The following PTPRT variants were observed in gnomAD, a reference collection of about 807,000 sequenced individuals.
The protein encoded by PTPRT is receptor-type tyrosine-protein phosphatase T.
In PTPRT, 56 loss-of-function variants were observed where a neutral mutation model predicts 176.8. The ratio of observed to expected loss-of-function variants is 0.32; its 90% CI spans 0.26 to 0.40. The LOEUF is 0.40. Ranked by LOEUF, PTPRT falls within the 10% of genes least tolerant of loss-of-function variation. PTPRT has a pLI of 1.00. For missense variants in PTPRT, 1,540 were observed against 1,908.2 expected (o/e 0.81, Z 3.60); for synonymous variants, 783 against 739.0 (o/e 1.06, Z -0.96).
At chr20:42,970,382 A>T (rs1228075010) in intron 1 of PTPRT, among the ~76,000 whole-genome samples, 1 of 152,188 alleles carries the variant, frequency 6.6e-6, no homozygotes, top group African/African-American at 2.4e-5. Context: ...ACGACTATTA[A>T]TTGGCTGATG....
At chr20:43,155,279 A>G (rs1370203476) in intron 1 of PTPRT, among the ~76,000 whole-genome samples, 1 of 152,200 alleles carries the variant, frequency 6.6e-6, no homozygotes, top group Non-Finnish European at 1.5e-5. Flanking sequence ...ATCAATCTAA[A>G]TGTCCATCAG....
At chr20:42,598,471 C>T (rs1226182080) in intron 7 of PTPRT, among the ~76,000 whole-genome samples, 1 of 152,016 alleles carries the variant, frequency 6.6e-6, no homozygotes, top group Non-Finnish European at 1.5e-5. Context: ...TACTCAAGGG[C>T]ATCTTATGTT....
intron 8 of PTPRT, among the ~76,000 whole-genome samples, chr20:42,449,508 T>TA (rs1456438254): frequency 2.0e-5 from 3 of 152,190 alleles, no homozygotes; most frequent in Non-Finnish European, 4.4e-5. Flanking sequence ...TAAAAGCACT[T>TA]ACTCTTGGAC....
chr20:42,873,497 T>C (rs563376736), intron 2 of PTPRT, among the ~76,000 whole-genome samples: 16 of 152,314 alleles, frequency 1.1e-4, no homozygotes, highest in East Asian at 3.9e-4. Context: ...TAGGAGAGTA[T>C]TGACCAATAG....
chr20:42,694,588 T>C (rs544154499), intron 6 of PTPRT, among the ~76,000 whole-genome samples: 8 of 152,302 alleles, frequency 5.3e-5, no homozygotes, highest in East Asian at 3.9e-4. Context: ...CTCTGGGTCA[T>C]ATGGAATTCA....
chr20:42,388,815 C>T (rs1477977604), intron 9 of PTPRT, among the ~76,000 whole-genome samples: 2 of 152,208 alleles, frequency 1.3e-5, no homozygotes, highest in Non-Finnish European at 2.9e-5. Context: ...GCTATAAAGA[C>T]GCATGCACAC....
intron 1 of PTPRT, among the ~76,000 whole-genome samples, chr20:43,116,879 C>CA (rs568415110): frequency 0.01 from 1,565 of 152,130 alleles, 17 homozygotes; most frequent in Non-Finnish European, 0.014. Flanking sequence ...GCTCTTGCAA[C>CA]AAAAAAACAC....
rs1208040640 is a variant in PTPRT, at chr20:43,180,369, C to CTCTCTCTCTCTCTT, written c.88+9276_88+9277insAAGAGAGAGAGAGA. ...TCTCTCTCTCTCTCTCTCTCTCTCT[C>CTCTCTCTCTCTCTT]TCTGCCCCCACCTCCCTCCCTTCCT... On this transcript the variant is annotated intron_variant, in intron 1 of 30. Coordinates refer to ENST00000373187, the MANE Select transcript of PTPRT (RefSeq NM_007050.6). 2.4e-4 allele frequency among the ~76,000 whole-genome samples: 36 copies of CTCTCTCTCTCTCTT among 151,238 alleles called. 2 individuals carry two copies. Among genetic ancestry groups the CTCTCTCTCTCTCTT allele is most frequent in the African/African-American group, 8.3e-4 (34 of 40,954 alleles).
intron 7 of PTPRT, among the ~76,000 whole-genome samples, chr20:42,503,165 C>T (rs1415992715): frequency 2.6e-5 from 4 of 151,790 alleles, no homozygotes; most frequent in African/African-American, 9.7e-5. Context: ...TCTGTTTTAG[C>T]TTTTCTTATT....
intron 29 of PTPRT, 113 bp downstream of exon 29, chr20:42,084,569 A>T: frequency 1.1e-6 from 1 of 933,316 alleles, no homozygotes; most frequent in Non-Finnish European, 1.4e-6. Flanking sequence ...AGGGATGTTG[A>T]GTTGTGGTAT....
chr20:42,579,401 T>C (rs932303061), intron 7 of PTPRT, among the ~76,000 whole-genome samples: 1 of 152,194 alleles, frequency 6.6e-6, no homozygotes, highest in Non-Finnish European at 1.5e-5. Context: ...CAGCATGATT[T>C]ATAATCCTTT....
chr20:42,203,115 G>A (rs1203908593), intron 15 of PTPRT, among the ~76,000 whole-genome samples: 1 of 152,090 alleles, frequency 6.6e-6, no homozygotes, highest in Non-Finnish European at 1.5e-5. Flanking sequence ...TTTAATGTAT[G>A]GATAGATGTT....
Position 43,075,479 on chromosome 20 carries a change from G to A in PTPRT, c.88+114167C>T, listed in dbSNP as rs567184472. Among the ~76,000 whole-genome samples, 12 of 152,336 alleles carry A rather than the reference G, an allele frequency of 7.9e-5. No homozygotes were observed. The South Asian group carries it at 1.9e-3, about 24-fold the overall frequency. ...CCAGGCTATGCTCTAATAAGCACTC[G>A]TCAGGTTCCATCCCACAGGTTGTTG... On this transcript the variant is annotated intron_variant, in intron 1 of 30. Coordinates refer to ENST00000373187, the MANE Select transcript of PTPRT (RefSeq NM_007050.6).
intron 7 of PTPRT, among the ~76,000 whole-genome samples, chr20:42,548,047 A>T (rs571369013): frequency 2.8e-4 from 42 of 152,174 alleles, no homozygotes; most frequent in Admixed American, 2.0e-4. Context: ...ACAACTTTTT[A>T]AAAAATCTGA....
At chr20:43,082,927 C>T (rs1266069067) in intron 1 of PTPRT, among the ~76,000 whole-genome samples, 1 of 152,136 alleles carries the variant, frequency 6.6e-6, no homozygotes, top group Non-Finnish European at 1.5e-5. Context: ...CGACCACCTG[C>T]TTCCTGCTGA....
Position 42,708,011 on chromosome 20 carries a change from G to A in PTPRT, c.860-29852C>T, listed in dbSNP as rs562254066. On this transcript the variant is annotated intron_variant, in intron 6 of 30. Transcript: ENST00000373187. ...AAAAATAGAAAACCAATACAGGTAG[G>A]TACATTCACTCCTTAAAATTGTATG... Among the ~76,000 whole-genome samples the A allele has an allele frequency of 1.7e-3, 256 of 152,136 alleles. 2 individuals are homozygous for A. Among genetic ancestry groups the A allele is most frequent in the Middle Eastern group, 0.014 (4 of 294 alleles).
chr20:42,696,656 C>T (rs547338457), intron 6 of PTPRT, among the ~76,000 whole-genome samples: 3 of 151,994 alleles, frequency 2.0e-5, no homozygotes, highest in Non-Finnish European at 4.4e-5. Flanking sequence ...TGGGTTTCAC[C>T]ATGTTAGCCA....
At chr20:42,706,475 T>G (rs2076061585) in intron 6 of PTPRT, among the ~76,000 whole-genome samples, 1 of 152,150 alleles carries the variant, frequency 6.6e-6, no homozygotes, top group Admixed American at 6.5e-5. Context: ...AGTTACTTGC[T>G]GCATTAAAGT....
At chr20:42,465,203 T>C (rs2071084216) in intron 8 of PTPRT, among the ~76,000 whole-genome samples, 1 of 152,174 alleles carries the variant, frequency 6.6e-6, no homozygotes, top group Admixed American at 6.6e-5. Flanking sequence ...TCTACACTGC[T>C]AGTGAAAACA....
Sources: gnomAD v4.1 joint callset for allele counts (sites outside exome capture counted in the v4.1 genomes callset) on GRCh38, gnomAD v4.1.1 for gene constraint, MANE v1.5 for transcripts, NCBI Gene and HGNC (gene_info 2026-07-23, HGNC 2026-07-21) for gene names.